Variants in COX15 observed in about 807,000 individuals in gnomAD.
COX15 encodes heme A synthase COX15.
A neutral mutation model predicts 51.9 loss-of-function variants in COX15; 51 were observed. That is an observed-to-expected ratio of 0.98 (90% CI 0.78 to 1.24). COX15 has a LOEUF of 1.24. COX15 is among the 50% of genes most tolerant of loss of function. The pLI, the probability that COX15 is intolerant of heterozygous loss-of-function variation, is 0.00. For synonymous variants in COX15, 188 were observed against 190.5 expected (o/e 0.99, Z 0.11); for missense variants, 420 against 501.1 (o/e 0.84, Z 1.55).
intron 1 of COX15, among the ~76,000 whole-genome samples, chr10:99,731,237 ACT>A (rs2037133232): frequency 6.6e-6 from 1 of 152,078 alleles, no homozygotes; most frequent in Non-Finnish European, 1.5e-5. Flanking sequence ...CTCCCACTAA[ACT>A]ATGAGCTTTG....
intron 7 of COX15, among the ~76,000 whole-genome samples, chr10:99,717,167 T>C (rs1407364745): frequency 2.0e-5 from 3 of 152,150 alleles, no homozygotes; most frequent in East Asian, 1.9e-4. Flanking sequence ...CTGAGCCCTC[T>C]GGCCCCCTCT....
rs1481998557 is a variant in COX15, at chr10:99,729,542, A to G, written c.272+11T>C. ...TCCAAATACCTGACTCACTACGAGC[A>G]AATTACTTACCTAGTTACTCCACCA... On this transcript the variant is annotated intron_variant, in intron 2 of 8. Coordinates refer to ENST00000016171, the MANE Select transcript of COX15 (RefSeq NM_078470.6). 1.9e-6 allele frequency: 3 copies of G among 1,612,020 alleles called. No homozygotes were observed. The highest frequency in any genetic ancestry group is 4.5e-5 in the East Asian group (2 of 44,876).
At chr10:99,710,674 T>C (rs1210898910), downstream of COX15, 1 of 985,434 alleles carries the variant, frequency 1.0e-6, no homozygotes, top group East Asian at 1.1e-4. Flanking sequence ...GTGTTACATA[T>C]GCTGATATAT....
the COX15 span, among the ~76,000 whole-genome samples, chr10:99,698,319 C>T: frequency 2.0e-5 from 3 of 152,134 alleles, no homozygotes; most frequent in African/African-American, 7.2e-5. Context: ...ACTAAAATGT[C>T]GAACAGAATT....
downstream of COX15, chr10:99,709,022 C>T (rs764641759): frequency 7.7e-4 from 763 of 984,558 alleles, no homozygotes; most frequent in Non-Finnish European, 8.9e-4. Flanking sequence ...AGAAATAGTG[C>T]CAAGTTTTCA....
Position 99,718,477 on chromosome 10 carries a change from C to T in COX15, c.856G>A (p.Ala286Thr). 1 of 1,614,158 alleles carries T rather than the reference C, an allele frequency of 6.2e-7. No homozygotes were observed. The highest frequency in any genetic ancestry group is 8.5e-7 in the Non-Finnish European group (1 of 1,180,032). The stretch of plus-strand genomic sequence containing the variant: ...GGAAAGGAGTTATAAACAAGCCCAG[C>T]ATCTAGCCCTGCCACAAAAGCCCCT... ...LSGAFVAGLD[A>T]GLVYNSFPKM... Residue 286 changes from alanine (A) to threonine (T), a missense_variant, in exon 7 of 9, where the codon GCT becomes ACT. Physicochemically the swap from Ala to Thr is moderately conservative, Grantham distance 58 (BLOSUM62 0). Transcript: ENST00000016171.
the COX15 span, chr10:99,702,663 T>G: frequency 6.2e-7 from 1 of 1,610,946 alleles, no homozygotes; most frequent in South Asian, 1.1e-5. Context: ...AACACGATTC[T>G]TACCACTCAG....
chr10:99,714,051 C>T lies in COX15; in HGVS notation c.*536G>A, dbSNP rs577264951. 3.3e-5 allele frequency: 33 copies of T among 1,011,146 alleles called. No homozygotes were observed. In the South Asian group the frequency reaches 9.7e-4, roughly 30 times the overall value. 62.6% of individuals were successfully genotyped at this position (1,011,146 alleles called of 1,614,324 possible). A position where few individuals can be genotyped will look rare whatever the true frequency, so the allele number is the denominator to read the frequency against. The stretch of plus-strand genomic sequence containing the variant: ...TAAAAACCATTTTGCTACATATACA[C>T]ATTAAGCTTGTCAAAATCTGCAATT... On this transcript the variant is annotated 3_prime_UTR_variant, in exon 9 of 9. Coordinates refer to ENST00000016171, the MANE Select transcript of COX15 (RefSeq NM_078470.6).
chr10:99,713,343 C>T lies in COX15; in HGVS notation c.*1244G>A. 2 of 1,610,832 alleles carry T rather than the reference C, an allele frequency of 1.2e-6. No homozygotes were observed. The highest frequency in any genetic ancestry group is 1.7e-6 in the Non-Finnish European group (2 of 1,178,264). On this transcript the variant is annotated 3_prime_UTR_variant, in exon 9 of 9. Transcript: ENST00000016171. ...CTGTTTAATTTCATCTCGATGGGGT[C>T]ATTCTGGGACTGTTTTCAGTTGCCA...
At chr10:99,701,043 A>G in the COX15 span, 2 of 1,614,078 alleles carry the variant, frequency 1.2e-6, no homozygotes, top group Non-Finnish European at 8.5e-7. Context: ...TCACATGCAG[A>G]TGAGCATCGA....
intron 1 of COX15, among the ~76,000 whole-genome samples, chr10:99,730,002 T>C (rs976782751): frequency 3.9e-5 from 6 of 152,186 alleles, no homozygotes; most frequent in African/African-American, 1.4e-4. Flanking sequence ...CTTACAGATA[T>C]GGAATATTTT....
rs1439176916 is a variant in COX15, at chr10:99,714,273, G to C, written c.*314C>G. On this transcript the variant is annotated 3_prime_UTR_variant, in exon 9 of 9. Transcript: ENST00000016171. ...CATCCACGTAGAAATCATCCACGTA[G>C]AACCAAGAGCTTGCCAACACTGAAA... is the stretch of plus-strand genomic sequence containing the variant. The C allele has an allele frequency of 5.9e-6, 7 of 1,193,360 alleles. No homozygotes were observed. Among genetic ancestry groups the C allele is most frequent in the Non-Finnish European group, 6.3e-6 (6 of 947,710 alleles). 73.9% of individuals were successfully genotyped at this position (1,193,360 alleles called of 1,614,324 possible).
chr10:99,717,441 G>A (rs1193415566), intron 7 of COX15, among the ~76,000 whole-genome samples: 2 of 152,104 alleles, frequency 1.3e-5, no homozygotes, highest in African/African-American at 2.4e-5. Flanking sequence ...GAACTCTTGG[G>A]CTCAAGCGAT....
rs754873226 is a variant in COX15 at position 99,732,027 on chromosome 10, G to A, written c.23C>T (p.Pro8Leu). The change falls in exon 1 of 9, where the codon CCG (proline) becomes CTG (leucine). Residue 8 changes from proline to leucine, a missense_variant. Coordinates refer to ENST00000016171, the MANE Select transcript of COX15 (RefSeq NM_078470.6). ...CTGCCTCCCCTTCAAGGCCCTCAAC[G>A]GCGGAAAGAGCAATCGCTGCATACT... is the stretch of plus-strand genomic sequence containing the variant. MQRLLFP[P>L]LRALKGRQYL... 14 of 1,612,996 alleles carry A rather than the reference G, an allele frequency of 8.7e-6. No homozygotes were observed. Among genetic ancestry groups the A allele is most frequent in the South Asian group, 2.2e-5 (2 of 90,834 alleles).
Position 99,716,440 on chromosome 10 carries a change from T to C in COX15, c.1009A>G (p.Ile337Val). ...RILGITSVTA[I>V]TVLYFLSRRI... ...CGAGAGAGGAAGTAGAGCACTGTAA[T>C]GGCAGTGACTGAAGTGATTCCCTGC... Residue 337 changes from isoleucine (I) to valine (V), a missense_variant, in exon 8 of 9, where the codon ATT becomes GTT. Physicochemically the swap from Ile to Val is conservative, Grantham distance 29. Transcript: ENST00000016171. The C allele has an allele frequency of 6.2e-7, 1 of 1,613,154 alleles. No individual in the cohort carries two copies. Among genetic ancestry groups the C allele is most frequent in the Non-Finnish European group, 8.5e-7 (1 of 1,179,202 alleles).
chr10:99,732,102 C>T lies in COX15; in HGVS notation c.-53G>A. The T allele has an allele frequency of 6.3e-7, 1 of 1,583,148 alleles. No individual in the cohort carries two copies. The highest frequency in any genetic ancestry group is 8.6e-7 in the Non-Finnish European group (1 of 1,164,146). On this transcript the variant is annotated 5_prime_UTR_variant, in exon 1 of 9. Coordinates refer to ENST00000016171, the MANE Select transcript of COX15 (RefSeq NM_078470.6). Reference sequence around the variant, plus strand: ...CCACAACCCAGGGCTCTGTGGTCTCCCTCCTCCGCCAAGGAAAAGAGAAGC... The same window carrying T: ...CCACAACCCAGGGCTCTGTGGTCTCTCTCCTCCGCCAAGGAAAAGAGAAGC...
Position 99,711,687 on chromosome 10 carries a change from A to C in COX15, c.*2900T>G. 1.0e-6 allele frequency: 1 copy of C among 985,272 alleles called. No individual in the cohort carries two copies. Among genetic ancestry groups the C allele is most frequent in the Non-Finnish European group, 1.2e-6 (1 of 829,902 alleles). 61.0% of individuals were successfully genotyped at this position (985,272 alleles called of 1,614,324 possible). The stretch of plus-strand genomic sequence containing the variant: ...TCTTAGATGAGGCTTGGGCTTTGGG[A>C]TTTTTCTAAGATTCAAATAAGAGAG... On this transcript the variant is annotated 3_prime_UTR_variant, in exon 9 of 9. Coordinates refer to ENST00000016171, the MANE Select transcript of COX15 (RefSeq NM_078470.6).
rs1025547673 is a variant in COX15 at position 99,711,062 on chromosome 10, T to C, written c.*3525A>G. ...CATTCATGCATTCACTAATTCAATA[T>C]TTGATATGTGTCTGGGAGTGCTGGG... is the stretch of plus-strand genomic sequence containing the variant. On this transcript the variant is annotated 3_prime_UTR_variant, in exon 9 of 9. Transcript: ENST00000016171. The C allele has an allele frequency of 1.0e-5, 10 of 984,000 alleles. No individual in the cohort carries two copies. The highest frequency in any genetic ancestry group is 1.8e-5 in the African/African-American group (1 of 56,788). The allele number at this position is 984,000 out of a possible 1,614,324, so 61.0% of individuals were successfully genotyped here.
Position 99,714,508 on chromosome 10 carries a change from G to A in COX15, c.*79C>T, listed in dbSNP as rs1277399311. On this transcript the variant is annotated 3_prime_UTR_variant, in exon 9 of 9. Transcript: ENST00000016171. Reference sequence around the variant, plus strand: ...CCACTTGGTATGTCAAGGTCATCTCGTAGAAAAGCCCAAGTTCTTATGATC... The same window carrying A: ...CCACTTGGTATGTCAAGGTCATCTCATAGAAAAGCCCAAGTTCTTATGATC... The A allele has an allele frequency of 1.6e-5, 26 of 1,608,586 alleles. No homozygotes were observed. Among genetic ancestry groups the A allele is most frequent in the South Asian group, 3.3e-5 (3 of 90,402 alleles).
Sources: allele counts gnomAD v4.1 joint callset (sites outside exome capture counted in the v4.1 genomes callset), GRCh38; gene constraint gnomAD v4.1.1; transcripts MANE v1.5; gene names NCBI Gene and HGNC (gene_info 2026-07-23, HGNC 2026-07-21).